GAD2: variants seen among roughly 807,000 people sequenced by gnomAD.
GAD2 encodes the protein glutamate decarboxylase 2.
In GAD2, 22 loss-of-function variants were observed where a neutral mutation model predicts 80.1. The observed-to-expected ratio is 0.27, with a 90% CI of 0.20 to 0.39. The LOEUF (loss-of-function observed/expected upper bound fraction) is 0.39. Ranked by LOEUF, GAD2 falls within the 10% of genes least tolerant of loss-of-function variation. The pLI is 1.00. For missense variants in GAD2, 624 were observed against 738.4 expected (o/e 0.85, Z 1.80); for synonymous variants, 274 against 256.9 (o/e 1.07, Z -0.64).
Position 26,217,500 on chromosome 10 carries a change from GC to G in GAD2, c.77-106del. The G allele has an allele frequency of 8.6e-7, 1 of 1,162,910 alleles. No homozygotes were observed. The highest frequency in any genetic ancestry group is 1.3e-6 in the Non-Finnish European group (1 of 795,724). 72.0% of individuals were successfully genotyped at this position (1,162,910 alleles called of 1,614,324 possible). A position where few individuals can be genotyped will look rare whatever the true frequency, so the allele number is the denominator to read the frequency against. On this transcript the variant is annotated intron_variant, in intron 1 of 15. Transcript: ENST00000376261. This position sits in a 1 kb window ranked among gnomAD's most constrained non-coding sequence, Gnocchi z 4.9. ...CTGAGCGGCCCCCAGGAGGAAGGCG[GC>G]CCCTCCTAGGACCCCGGACTGATTG...
At chr10:26,278,877 C>G (rs1845240866) in intron 11 of GAD2, among the ~76,000 whole-genome samples, 1 of 151,818 alleles carries the variant, frequency 6.6e-6, no homozygotes, top group African/African-American at 2.4e-5. Context: ...GACACCTGCC[C>G]TTCATCAAAT....
chr10:26,298,463 T>C (rs1296772368), intron 15 of GAD2, among the ~76,000 whole-genome samples: 1 of 152,214 alleles, frequency 6.6e-6, no homozygotes, highest in Non-Finnish European at 1.5e-5. Flanking sequence ...CTTCGGGAAC[T>C]GAGGGGATTC....
intron 8 of GAD2, among the ~76,000 whole-genome samples, chr10:26,255,936 G>A (rs895644261): frequency 9.9e-5 from 15 of 151,352 alleles, no homozygotes; most frequent in Admixed American, 6.6e-4. Context: ...GAGGGGAGGG[G>A]CCAGCCTGGG....
intron 12 of GAD2, 83 bp downstream of exon 12, chr10:26,281,170 A>G: frequency 2.0e-6 from 2 of 1,009,670 alleles, no homozygotes; most frequent in East Asian, 4.9e-5. Flanking sequence ...GGAAATGTCA[A>G]GATCACCGGG....
In GAD2 at chr10:26,258,100, T is replaced by TA. The variant is rs149884822; in HGVS notation, c.921-11018dup. Among the ~76,000 whole-genome samples the TA allele has an allele frequency of 8.2e-3, 1,251 of 152,364 alleles. 21 individuals carry two copies. The highest frequency in any genetic ancestry group is 0.028 in the African/African-American group (1,156 of 41,576). On this transcript the variant is annotated intron_variant, in intron 8 of 15. Coordinates refer to ENST00000376261, the MANE Select transcript of GAD2 (RefSeq NM_001134366.2). ...TAACAGCTGACACTGATTGAGAGTT[T>TA]ATGCCGTGCCAGGCACAGCTCTAGC...
rs554934374 is a variant in GAD2 at position 26,265,585 on chromosome 10, A to G, written c.921-3534A>G. ...TTGTCCAAAGCAGCAGTCTGTTTCAATGGCCCTGACTTTAGTAGCAGTCCC... is the reference window on the plus strand; with the variant it reads ...TTGTCCAAAGCAGCAGTCTGTTTCAGTGGCCCTGACTTTAGTAGCAGTCCC... On this transcript the variant is annotated intron_variant, in intron 8 of 15. Transcript: ENST00000376261. 3.3e-5 allele frequency among the ~76,000 whole-genome samples: 5 copies of G among 152,286 alleles called. No individual in the cohort carries two copies. The East Asian group carries it at 7.7e-4, about 24-fold the overall frequency.
At chr10:26,299,973 A>G (rs1348528701) in intron 15 of GAD2, among the ~76,000 whole-genome samples, 1 of 152,218 alleles carries the variant, frequency 6.6e-6, no homozygotes, top group Admixed American at 6.5e-5. Context: ...CATATGGTAA[A>G]TTCAAGAGAT....
chr10:26,265,296 C>T (rs546389865), intron 8 of GAD2, among the ~76,000 whole-genome samples: 10 of 151,756 alleles, frequency 6.6e-5, no homozygotes, highest in East Asian at 5.9e-4. Context: ...CTCCACCTCC[C>T]GGGTTCAAGC....
chr10:26,297,242 C>A (rs1283394345), intron 15 of GAD2, among the ~76,000 whole-genome samples: 2 of 152,194 alleles, frequency 1.3e-5, no homozygotes, highest in East Asian at 1.9e-4. Flanking sequence ...TTTAGAATTT[C>A]TCATTTAATT....
In GAD2 at chr10:26,217,889, C is replaced by T; in HGVS notation, c.184C>T (p.Gln62Ter). The T allele has an allele frequency of 6.2e-7, 1 of 1,605,134 alleles. No homozygotes were observed. The highest frequency in any genetic ancestry group is 8.5e-7 in the Non-Finnish European group (1 of 1,175,874). Residue 62 changes from glutamine (Q) to a stop codon, truncating the protein, a stop_gained, in exon 3 of 16, where the codon CAA (glutamine) becomes TAA (stop). Coordinates refer to ENST00000376261, the MANE Select transcript of GAD2 (RefSeq NM_001134366.2). LOFTEE classifies it high-confidence loss of function. This position sits in a 1 kb window ranked among gnomAD's most constrained non-coding sequence, Gnocchi z 4.9. ...AEKPAESGGS[Q>*]PPRAAARKAA... ...GAAGCCGGCGGAGAGCGGCGGGAGCCAACCCCCGCGGGCCGCCGCCCGGAA... is the reference window on the plus strand; with the variant it reads ...GAAGCCGGCGGAGAGCGGCGGGAGCTAACCCCCGCGGGCCGCCGCCCGGAA...
chr10:26,256,659 G>A (rs1367211926), intron 8 of GAD2, among the ~76,000 whole-genome samples: 1 of 152,206 alleles, frequency 6.6e-6, no homozygotes, highest in Non-Finnish European at 1.5e-5. Flanking sequence ...TTCAAGTGAT[G>A]CATTTGGCTT....
chr10:26,249,089 G>A (rs1844845853), intron 8 of GAD2, among the ~76,000 whole-genome samples: 1 of 152,196 alleles, frequency 6.6e-6, no homozygotes, highest in African/African-American at 2.4e-5. Context: ...AGGGGATGGA[G>A]TCTCGCTCTG....
At chr10:26,300,226 T>C (rs1834314121) in intron 15 of GAD2, among the ~76,000 whole-genome samples, 1 of 152,206 alleles carries the variant, frequency 6.6e-6, no homozygotes, top group South Asian at 2.1e-4. Flanking sequence ...GAGTTCAGCT[T>C]TTTGTCCCAG....
chr10:26,276,293 G>A (rs982680011), intron 11 of GAD2, among the ~76,000 whole-genome samples: 1 of 152,164 alleles, frequency 6.6e-6, no homozygotes, highest in African/African-American at 2.4e-5. Context: ...CTGTCAGAAT[G>A]TCGAGAGATG....
intron 8 of GAD2, among the ~76,000 whole-genome samples, chr10:26,250,851 C>A (rs1210050731): frequency 6.7e-6 from 1 of 149,934 alleles, no homozygotes; most frequent in Non-Finnish European, 1.5e-5. Flanking sequence ...TTTTTCTAAG[C>A]ACAGAAATTT....
At chr10:26,297,622 A>G (rs1053483810) in intron 15 of GAD2, among the ~76,000 whole-genome samples, 3 of 152,268 alleles carry the variant, frequency 2.0e-5, no homozygotes, top group Non-Finnish European at 2.9e-5. Flanking sequence ...AAAAAGTACA[A>G]AAGCCTAGAA....
chr10:26,297,965 G>A (rs1010014734), intron 15 of GAD2, among the ~76,000 whole-genome samples: 1 of 152,150 alleles, frequency 6.6e-6, no homozygotes, highest in African/African-American at 2.4e-5. Flanking sequence ...GTTAGAATGA[G>A]GTGAAATTTG....
At chr10:26,226,565 A>T (rs1435142941) in intron 6 of GAD2, among the ~76,000 whole-genome samples, 3 of 152,240 alleles carry the variant, frequency 2.0e-5, no homozygotes, top group Non-Finnish European at 1.5e-5. Context: ...TCACATCCTT[A>T]CTGGCTATGG....
intron 8 of GAD2, among the ~76,000 whole-genome samples, chr10:26,259,976 G>C (rs1453550567): frequency 6.6e-6 from 1 of 152,016 alleles, no homozygotes; most frequent in Non-Finnish European, 1.5e-5. Flanking sequence ...AGAAAAATAA[G>C]CAAATAAAAG....
Sources: allele counts gnomAD v4.1 joint callset (sites outside exome capture counted in the v4.1 genomes callset), GRCh38; gene constraint gnomAD v4.1.1; non-coding constraint Gnocchi (gnomAD v3.1); transcripts MANE v1.5; gene names NCBI Gene and HGNC (gene_info 2026-07-23, HGNC 2026-07-21).